The following LRP1B variants were observed in gnomAD, a reference collection of about 807,000 sequenced individuals.
The protein encoded by LRP1B is LDL receptor related protein 1B, also known as low-density lipoprotein receptor-related protein 1B.
A neutral mutation model predicts 556.6 loss-of-function variants in LRP1B; 217 were observed. The ratio of observed to expected loss-of-function variants is 0.39; its 90% CI spans 0.35 to 0.44. LRP1B has a LOEUF of 0.44. LRP1B is among the 20% of genes least tolerant of loss of function. The probability of loss-of-function intolerance (pLI) is 1.00; values close to 1 mark genes in which losing one functional copy is unlikely to be tolerated. For synonymous variants in LRP1B, 2,047 were observed against 1,865.8 expected, an observed-to-expected ratio of 1.10 and a Z score of -2.50; for missense variants, 5,053 against 5,620.8, an observed-to-expected ratio of 0.90 and a Z score of 3.23.
chr2:141,606,334 T>C (rs1687916461), intron 2 of LRP1B, among the ~76,000 whole-genome samples: 1 of 152,212 alleles, frequency 6.6e-6, no homozygotes, highest in African/African-American at 2.4e-5. Flanking sequence ...ATTTAAGTTT[T>C]ATATTAGTGT....
At chr2:141,070,649 G>A (rs530651140) in intron 7 of LRP1B, among the ~76,000 whole-genome samples, 53 of 151,868 alleles carry the variant, frequency 3.5e-4, no homozygotes, top group African/African-American at 8.9e-4. Flanking sequence ...TCAAATAGAC[G>A]CAATAAAAAA....
At position 141,552,385 on chromosome 2, in the gene LRP1B, G is replaced by T. The variant is rs11695833; in HGVS notation, c.206-71852C>A. ...CTCTCATTGTGAGTATTAAAACAGA[G>T]CAATTTTGTATGAATCTACTATAGC... On this transcript the variant is annotated intron_variant, in intron 2 of 90. Coordinates refer to ENST00000389484, the MANE Select transcript of LRP1B (RefSeq NM_018557.3). 6.6e-5 allele frequency among the ~76,000 whole-genome samples: 10 copies of T among 151,964 alleles called. No individual in the cohort carries two copies. The South Asian group carries it at 2.1e-3, about 31-fold the overall frequency.
intron 35 of LRP1B, among the ~76,000 whole-genome samples, chr2:140,742,878 T>C (rs1688188172): frequency 6.6e-6 from 1 of 152,170 alleles, no homozygotes; most frequent in Non-Finnish European, 1.5e-5. Context: ...TATGACATAA[T>C]ACGTAACAAT....
intron 86 of LRP1B, among the ~76,000 whole-genome samples, chr2:140,258,754 G>A (rs1393111815): frequency 6.6e-6 from 1 of 152,034 alleles, no homozygotes; most frequent in African/African-American, 2.4e-5. Flanking sequence ...GTTCAGAGAA[G>A]AACAATTGAG....
intron 45 of LRP1B, among the ~76,000 whole-genome samples, chr2:140,537,030 G>T (rs1679933722): frequency 6.6e-6 from 1 of 150,906 alleles, no homozygotes; most frequent in African/African-American, 2.4e-5. Flanking sequence ...AATTAGCCAG[G>T]CATGGTGGCA....
chr2:141,780,580 T>A (rs1695221446), intron 2 of LRP1B, among the ~76,000 whole-genome samples: 1 of 152,178 alleles, frequency 6.6e-6, no homozygotes, highest in Admixed American at 6.5e-5. Context: ...TTTTAAGCTA[T>A]CGCGTGGCAT....
chr2:140,814,876 G>C (rs565996176), intron 31 of LRP1B, among the ~76,000 whole-genome samples: 1 of 152,226 alleles, frequency 6.6e-6, no homozygotes, highest in Admixed American at 6.5e-5. Flanking sequence ...TATTACAGTG[G>C]TGGCCATCAT....
intron 2 of LRP1B, among the ~76,000 whole-genome samples, chr2:141,770,424 A>G (rs1694864509): frequency 6.6e-6 from 1 of 152,182 alleles, no homozygotes; most frequent in African/African-American, 2.4e-5. Flanking sequence ...CATGCTCCCC[A>G]TGAGTATTTA....
chr2:141,528,160 G>T (rs1367009094), intron 2 of LRP1B, among the ~76,000 whole-genome samples: 1 of 151,582 alleles, frequency 6.6e-6, no homozygotes, highest in Non-Finnish European at 1.5e-5. Context: ...TTGACTTAGA[G>T]ATGAAACATC....
rs995046509 is a variant in LRP1B at position 141,745,744 on chromosome 2, CAGA to C, written c.205+64532_205+64534del. Among the ~76,000 whole-genome samples the C allele has an allele frequency of 5.3e-5, 8 of 151,956 alleles. No homozygotes were observed. The East Asian group carries it at 9.8e-4, about 19-fold the overall frequency. ...TATTTTTCCTTCAGCTTTTCTCAAG[CAGA>C]AGAAGTCTCTCACTATAGCCACCAC... On this transcript the variant is annotated intron_variant, in intron 2 of 90. Transcript: ENST00000389484.
At chr2:141,623,987 T>C (rs1383772977) in intron 2 of LRP1B, among the ~76,000 whole-genome samples, 1 of 121,404 alleles carries the variant, frequency 8.2e-6, no homozygotes, top group Admixed American at 1.2e-4. Context: ...CGCACTCTAG[T>C]TCTGGGCAAC....
At chr2:141,803,335 G>T (rs1696071690) in intron 2 of LRP1B, among the ~76,000 whole-genome samples, 1 of 151,430 alleles carries the variant, frequency 6.6e-6, no homozygotes, top group Non-Finnish European at 1.5e-5. Context: ...AAATGTACCA[G>T]TGTTAGGCCC....
chr2:140,271,978 C>CA (rs1204496926), intron 85 of LRP1B, among the ~76,000 whole-genome samples: 77 of 151,418 alleles, frequency 5.1e-4, no homozygotes, highest in South Asian at 2.3e-3. Context: ...TGATTTTCTA[C>CA]AAAAAAAAGA....
At chr2:141,010,056 T>C (rs1244525277) in intron 14 of LRP1B, among the ~76,000 whole-genome samples, 1 of 152,046 alleles carries the variant, frequency 6.6e-6, no homozygotes, top group East Asian at 1.9e-4. Flanking sequence ...TAAATAACAA[T>C]GCTTAGTCCA....
intron 7 of LRP1B, among the ~76,000 whole-genome samples, chr2:141,096,665 A>AGAGAGG (rs1700324490): frequency 2.3e-5 from 3 of 129,352 alleles, no homozygotes; most frequent in Non-Finnish European, 5.0e-5. Context: ...AGAGAGAGAG[A>AGAGAGG]GAGAGAGAGA....
At chr2:141,586,583 T>C (rs185512940) in intron 2 of LRP1B, among the ~76,000 whole-genome samples, 1,572 of 152,310 alleles carry the variant, frequency 0.01, 20 homozygotes, top group Non-Finnish European at 0.016. Flanking sequence ...TATATGATGA[T>C]GTTTATATTT....
rs139562346 is a variant in LRP1B, at chr2:140,597,580, G to T, written c.7194+1051C>A. On this transcript the variant is annotated intron_variant, in intron 43 of 90. Coordinates refer to ENST00000389484, the MANE Select transcript of LRP1B (RefSeq NM_018557.3). ...GCCCTGAAAGAAAATTTGCATGTCA[G>T]AAATCTAAAGTTTATAAAGGCTAAA... Among the ~76,000 whole-genome samples the T allele has an allele frequency of 6.0e-3, 908 of 152,222 alleles. 10 individuals carry two copies. Among genetic ancestry groups the T allele is most frequent in the African/African-American group, 0.02 (846 of 41,536 alleles).
intron 27 of LRP1B, among the ~76,000 whole-genome samples, chr2:140,860,978 CTAT>C (rs1692772180): frequency 3.5e-5 from 2 of 57,750 alleles, no homozygotes; most frequent in South Asian, 1.3e-3. Context: ...AATTGTGCAT[CTAT>C]CTATCTATCT....
chr2:141,075,021 A>G (rs1003678968), intron 7 of LRP1B, among the ~76,000 whole-genome samples: 6 of 152,124 alleles, frequency 3.9e-5, no homozygotes, highest in African/African-American at 1.2e-4. Flanking sequence ...ATATCAGACT[A>G]TAACAGAACT....
Sources: gnomAD v4.1 joint callset for allele counts (sites outside exome capture counted in the v4.1 genomes callset) on GRCh38, gnomAD v4.1.1 for gene constraint, MANE v1.5 for transcripts, NCBI Gene and HGNC (gene_info 2026-07-23, HGNC 2026-07-21) for gene names.